Variants in GNA14 observed in about 807,000 individuals in gnomAD.
GNA14 encodes the protein guanine nucleotide-binding protein subunit alpha-14.
A neutral mutation model predicts 42.0 loss-of-function variants in GNA14; 50 were observed. That is an observed-to-expected ratio of 1.19 (90% confidence interval 0.95 to 1.51). The LOEUF (loss-of-function observed/expected upper bound fraction) is 1.51, where lower values mean the gene tolerates loss of function less well. GNA14 is among the 40% of genes most tolerant of loss of function. GNA14 has a pLI of 0.00. For missense variants in GNA14, 473 were observed against 446.2 expected (o/e 1.06, Z -0.54); for synonymous variants, 173 against 163.1 (o/e 1.06, Z -0.46).
chr9:77,538,957 G>T (rs147585876), intron 1 of GNA14, among the ~76,000 whole-genome samples: 66 of 152,232 alleles, frequency 4.3e-4, no homozygotes, highest in African/African-American at 1.5e-3. Context: ...CCCACAAAGA[G>T]GTACAATTTG....
intron 1 of GNA14, among the ~76,000 whole-genome samples, chr9:77,551,905 C>T (rs886852727): frequency 6.6e-6 from 1 of 151,660 alleles, no homozygotes; most frequent in Non-Finnish European, 1.5e-5. Context: ...TTTGGGAGGC[C>T]GAGTCAGGCG....
intron 2 of GNA14, among the ~76,000 whole-genome samples, chr9:77,449,882 C>G (rs1036200114): frequency 2.6e-5 from 4 of 152,196 alleles, no homozygotes; most frequent in Non-Finnish European, 4.4e-5. Flanking sequence ...TCCTTAGGCC[C>G]AGGCCTCCTT....
intron 1 of GNA14, among the ~76,000 whole-genome samples, chr9:77,601,816 T>C (rs1008563302): frequency 7.9e-5 from 12 of 152,312 alleles, no homozygotes; most frequent in African/African-American, 2.9e-4. Context: ...TTTCATTCAT[T>C]GGATGATACT....
chr9:77,507,093 T>C (rs1837083622), intron 2 of GNA14, among the ~76,000 whole-genome samples: 4 of 152,214 alleles, frequency 2.6e-5, no homozygotes, highest in African/African-American at 7.2e-5. Context: ...CCACAAGATA[T>C]CTCTAGTCAC....
chr9:77,472,818 C>CTCTCT (rs60678901), intron 2 of GNA14, among the ~76,000 whole-genome samples: 1 of 146,574 alleles, frequency 6.8e-6, no homozygotes, highest in African/African-American at 2.5e-5. Flanking sequence ...CTCTCTCTCT[C>CTCTCT]CTCCAAGCCC....
chr9:77,472,308 C>T (rs1836345942), intron 2 of GNA14, among the ~76,000 whole-genome samples: 1 of 152,108 alleles, frequency 6.6e-6, no homozygotes, highest in Admixed American at 6.5e-5. Context: ...CTATCACTTT[C>T]AAAAAACTCC....
At chr9:77,601,981 C>T (rs1383199086) in intron 1 of GNA14, among the ~76,000 whole-genome samples, 2 of 152,232 alleles carry the variant, frequency 1.3e-5, no homozygotes, top group Non-Finnish European at 2.9e-5. Flanking sequence ...TGTGCTCAGT[C>T]CTGCATCATG....
chr9:77,572,197 G>T (rs984283408), intron 1 of GNA14, among the ~76,000 whole-genome samples: 1 of 152,018 alleles, frequency 6.6e-6, no homozygotes, highest in African/African-American at 2.4e-5. Context: ...TGAGTTATAA[G>T]GAACTAAAAG....
intron 2 of GNA14, among the ~76,000 whole-genome samples, chr9:77,504,257 C>G (rs143165736): frequency 1.3e-5 from 2 of 151,864 alleles, no homozygotes; most frequent in Non-Finnish European, 2.9e-5. Flanking sequence ...CTTATAAACG[C>G]GATCTTTTTT....
intron 1 of GNA14, among the ~76,000 whole-genome samples, chr9:77,644,509 CAGTGAGA>C (rs1824324586): frequency 6.8e-6 from 1 of 147,904 alleles, no homozygotes; most frequent in African/African-American, 2.5e-5. Flanking sequence ...TGTGAGGCCA[CAGTGAGA>C]AGGCAGCTGT....
chr9:77,426,809 G>A (rs1379962212), intron 5 of GNA14, among the ~76,000 whole-genome samples: 2 of 152,166 alleles, frequency 1.3e-5, no homozygotes, highest in African/African-American at 4.8e-5. Flanking sequence ...TCTTTCTCAA[G>A]TATTTCTAAG....
At chr9:77,430,959 T>C (rs1307842052) in intron 4 of GNA14, among the ~76,000 whole-genome samples, 7 of 151,966 alleles carry the variant, frequency 4.6e-5, no homozygotes, top group Non-Finnish European at 8.8e-5. Flanking sequence ...GGAAATATGA[T>C]TCATCTTTAA....
intron 2 of GNA14, among the ~76,000 whole-genome samples, chr9:77,460,819 C>T (rs3780292): frequency 0.56 from 85,404 of 152,010 alleles, 25,063 homozygotes; most frequent in African/African-American, 0.72. Context: ...GGCTGTGGGG[C>T]GTGGATGGAA....
chr9:77,497,737 T>G (rs1048963685), intron 2 of GNA14, among the ~76,000 whole-genome samples: 14 of 152,244 alleles, frequency 9.2e-5, no homozygotes, highest in African/African-American at 3.1e-4. Flanking sequence ...ATATACATAT[T>G]TATATACATA....
intron 1 of GNA14, among the ~76,000 whole-genome samples, chr9:77,566,300 G>A (rs963518798): frequency 5.9e-5 from 9 of 151,922 alleles, no homozygotes; most frequent in East Asian, 5.8e-4. Flanking sequence ...GATTACAGGC[G>A]TGTGCCACCA....
intron 2 of GNA14, among the ~76,000 whole-genome samples, chr9:77,438,190 C>T (rs528984796): frequency 5.9e-5 from 9 of 152,158 alleles, no homozygotes; most frequent in African/African-American, 1.4e-4. Flanking sequence ...AACTTGAATT[C>T]GGAGCAGACT....
At chr9:77,465,222 T>G (rs2131716368) in intron 2 of GNA14, among the ~76,000 whole-genome samples, 1 of 152,344 alleles carries the variant, frequency 6.6e-6, no homozygotes, top group African/African-American at 2.4e-5. Context: ...AACCTCTGTC[T>G]CTATGAATTT....
chr9:77,470,988 T>G (rs1403710465), intron 2 of GNA14, among the ~76,000 whole-genome samples: 5 of 152,154 alleles, frequency 3.3e-5, no homozygotes, highest in Non-Finnish European at 7.4e-5. Flanking sequence ...CATTGGGAGT[T>G]ACAATTCAAT....
intron 1 of GNA14, among the ~76,000 whole-genome samples, chr9:77,599,424 T>TA (rs1000837442): frequency 4.6e-5 from 7 of 152,330 alleles, no homozygotes; most frequent in African/African-American, 1.7e-4. Flanking sequence ...CTGTAAGGGA[T>TA]AATGGGCCGT....
Sources: gnomAD v4.1 joint callset for allele counts (sites outside exome capture counted in the v4.1 genomes callset) on GRCh38, gnomAD v4.1.1 for gene constraint, MANE v1.5 for transcripts, NCBI Gene and HGNC (gene_info 2026-07-23, HGNC 2026-07-21) for gene names.